Variants in LRBA observed in about 807,000 individuals in gnomAD.
The protein encoded by LRBA is lipopolysaccharide-responsive and beige-like anchor protein.
A neutral mutation model predicts 330.0 loss-of-function variants in LRBA; 176 were observed. The observed-to-expected ratio is 0.53, with a 90% CI of 0.47 to 0.60. The LOEUF is 0.60. Among genes scored for constraint, LRBA ranks in the 20% least tolerant of loss-of-function variants. LRBA has a pLI of 0.00. For missense variants in LRBA, 3,259 were observed against 3,444.8 expected (o/e 0.95, Z 1.35); for synonymous variants, 1,230 against 1,193.0 (o/e 1.03, Z -0.64).
chr4:150,853,508 TA>T (rs1032569052), intron 22 of LRBA, among the ~76,000 whole-genome samples: 2 of 152,202 alleles, frequency 1.3e-5, no homozygotes, highest in African/African-American at 4.8e-5. Context: ...AGGTTAACCA[TA>T]ATTTCCAAAG....
chr4:150,423,351 A>G (rs1024342871), intron 46 of LRBA: 65 of 684,536 alleles, frequency 9.5e-5, no homozygotes, highest in Non-Finnish European at 1.5e-4. Context: ...AGGAGGCGTC[A>G]AGGGTCTTCT....
intron 37 of LRBA, among the ~76,000 whole-genome samples, chr4:150,667,090 CG>C (rs1781631479): frequency 6.6e-6 from 1 of 152,102 alleles, no homozygotes. Context: ...TAAAAGCTAA[CG>C]GTCTTAATCA....
At chr4:150,772,036 T>C (rs1402763306) in intron 34 of LRBA, among the ~76,000 whole-genome samples, 1 of 152,150 alleles carries the variant, frequency 6.6e-6, no homozygotes, top group Non-Finnish European at 1.5e-5. Context: ...TTGTCAACAA[T>C]TTTCTACTCA....
Position 150,905,168 on chromosome 4 carries a change from G to A in LRBA, c.1755+670C>T, listed in dbSNP as rs560059982. On this transcript the variant is annotated intron_variant, in intron 13 of 56. Transcript: ENST00000651943. ...CCACAAATTCATTTACATTCACATA[G>A]AACTAATTGGTTTGTTGTTACAAAA... is the stretch of plus-strand genomic sequence containing the variant. Among the ~76,000 whole-genome samples, 3 of 151,760 alleles carry A rather than the reference G, an allele frequency of 2.0e-5. No individual in the cohort carries two copies. The East Asian group carries it at 5.8e-4, about 29-fold the overall frequency.
intron 37 of LRBA, among the ~76,000 whole-genome samples, chr4:150,643,529 C>A (rs1474767671): frequency 1.3e-5 from 2 of 151,904 alleles, no homozygotes; most frequent in East Asian, 3.9e-4. Context: ...GACAAAAATG[C>A]TGCATGCATG....
At chr4:150,958,642 A>G (rs1737813654) in intron 2 of LRBA, among the ~76,000 whole-genome samples, 1 of 149,130 alleles carries the variant, frequency 6.7e-6, no homozygotes, top group Non-Finnish European at 1.5e-5. Context: ...AATTTTCCAA[A>G]CTTTTACACT....
intron 2 of LRBA, among the ~76,000 whole-genome samples, chr4:151,000,473 C>T (rs2149649273): frequency 6.6e-6 from 1 of 152,248 alleles, no homozygotes; most frequent in South Asian, 2.1e-4. Context: ...CTACTCTTGT[C>T]CCGAACATTA....
chr4:150,589,479 A>T (rs1772552506), intron 39 of LRBA, among the ~76,000 whole-genome samples: 1 of 152,234 alleles, frequency 6.6e-6, no homozygotes. Context: ...TAAATGGATG[A>T]AATAAGAAGC....
intron 35 of LRBA, among the ~76,000 whole-genome samples, chr4:150,756,516 T>C (rs550749120): frequency 1.3e-5 from 2 of 152,296 alleles, no homozygotes; most frequent in South Asian, 2.1e-4. Flanking sequence ...TGGCAAAGAA[T>C]TGAGTTGAAA....
At chr4:150,445,377 C>CTCTCTATA (rs1454079183) in intron 44 of LRBA, among the ~76,000 whole-genome samples, 5 of 78,634 alleles carry the variant, frequency 6.4e-5, no homozygotes, top group South Asian at 5.5e-4. Flanking sequence ...CTCTCTCTCT[C>CTCTCTATA]TATATATATA....
chr4:150,996,766 A>G (rs1742692786), intron 2 of LRBA, among the ~76,000 whole-genome samples: 1 of 152,206 alleles, frequency 6.6e-6, no homozygotes, highest in Admixed American at 6.5e-5. Flanking sequence ...CACACAGTAT[A>G]ACATGGTACA....
chr4:150,775,805 G>GAAAAAAAAAAAAAAAAAAAAAAGAAAAAA (rs1737236648), intron 34 of LRBA, among the ~76,000 whole-genome samples: 1 of 59,966 alleles, frequency 1.7e-5, no homozygotes, highest in Non-Finnish European at 3.2e-5. Flanking sequence ...AAGAAAGAAT[G>GAAAAAAAAAAAAAAAAAAAAAAGAAAAAA]AAAAAAAAAA....
chr4:150,850,082 T>A lies in LRBA; in HGVS notation c.4005-507A>T, dbSNP rs552393358. ...GCTAAAAATACATTGGAAATATTGA[T>A]AATGTTATAACAATTTTTTTTTTTT... On this transcript the variant is annotated intron_variant, in intron 24 of 56. Transcript: ENST00000651943. Among the ~76,000 whole-genome samples, 5 of 151,974 alleles carry A rather than the reference T, an allele frequency of 3.3e-5. No homozygotes were observed. The South Asian group carries it at 1.0e-3, about 32-fold the overall frequency.
intron 40 of LRBA, among the ~76,000 whole-genome samples, chr4:150,563,675 C>T (rs1200853080): frequency 6.6e-6 from 1 of 152,178 alleles, no homozygotes; most frequent in Non-Finnish European, 1.5e-5. Context: ...TGATAACCAA[C>T]TTCAGCAAAG....
intron 38 of LRBA, among the ~76,000 whole-genome samples, chr4:150,592,040 G>A (rs942581162): frequency 6.7e-6 from 1 of 150,252 alleles, no homozygotes; most frequent in East Asian, 2.0e-4. Context: ...GGAAAGTTAA[G>A]AATCTTCACC....
chr4:150,445,404 T>TATAC (rs1752499477), intron 44 of LRBA, among the ~76,000 whole-genome samples: 1 of 137,888 alleles, frequency 7.3e-6, no homozygotes. Flanking sequence ...TATATATATA[T>TATAC]ATATATACAT....
At chr4:150,691,282 T>C (rs1784116473) in intron 36 of LRBA, among the ~76,000 whole-genome samples, 1 of 152,026 alleles carries the variant, frequency 6.6e-6, no homozygotes, top group Non-Finnish European at 1.5e-5. Context: ...AAGCCACAAA[T>C]TGTGAAAAAA....
intron 35 of LRBA, among the ~76,000 whole-genome samples, chr4:150,758,908 C>T (rs1399645669): frequency 1.3e-5 from 2 of 151,830 alleles, no homozygotes; most frequent in African/African-American, 4.8e-5. Flanking sequence ...TTCCTACATG[C>T]ATCAGCCATA....
chr4:150,933,365 C>CAAA (rs60766197), intron 2 of LRBA, among the ~76,000 whole-genome samples: 1 of 79,034 alleles, frequency 1.3e-5, no homozygotes, highest in Non-Finnish European at 2.9e-5. Context: ...GACTCTGTCT[C>CAAA]AAAAAAAAAA....
Sources: allele counts gnomAD v4.1 joint callset (sites outside exome capture counted in the v4.1 genomes callset), GRCh38; gene constraint gnomAD v4.1.1; transcripts MANE v1.5; gene names NCBI Gene and HGNC (gene_info 2026-07-23, HGNC 2026-07-21).